MDN1: variants seen among roughly 807,000 people sequenced by gnomAD.
MDN1 encodes midasin.
In MDN1, 266 loss-of-function variants were observed where a neutral mutation model predicts 669.2. The observed-to-expected ratio is 0.40, with a 90% CI of 0.36 to 0.44. MDN1 has a LOEUF of 0.44. MDN1 is among the 20% of genes least tolerant of loss of function. MDN1 has a pLI of 1.00. For synonymous variants in MDN1, 2,385 were observed against 2,457.1 expected, an observed-to-expected ratio of 0.97 and a Z score of 0.87; for missense variants, 5,940 against 6,754.0, an observed-to-expected ratio of 0.88 and a Z score of 4.22.
At position 89,698,991 on chromosome 6, in the gene MDN1, A is replaced by T. The variant is rs759890312; in HGVS notation, c.9042T>A (p.Asn3014Lys). The T allele has an allele frequency of 5.6e-6, 9 of 1,613,950 alleles. No individual in the cohort carries two copies. Among genetic ancestry groups the T allele is most frequent in the Admixed American group, 3.3e-5 (2 of 60,000 alleles). The change falls in exon 59 of 102, where the codon AAT (asparagine) becomes AAA (lysine). Residue 3014 changes from asparagine (N) to lysine (K), a missense_variant. By Grantham distance (94) the Asn-to-Lys change is moderately conservative (BLOSUM62 0). This residue lies in a region of MDN1 where 2,292 missense variants were observed against 2,638.3 expected (regional missense o/e 0.87). Transcript: ENST00000369393. The stretch of plus-strand genomic sequence containing the variant: ...TGCTCCAGAAAGACATAAACATGGA[A>T]TTAAATAACTCGGACCACAAAGATG... ...EITSLWSELF[N>K]SMFMSFWSST...
chr6:89,706,275 A>G, intron 52 of MDN1, 83 bp from the exon 53 acceptor site: 1 of 1,421,078 alleles, frequency 7.0e-7, no homozygotes, highest in Middle Eastern at 1.8e-4. Context: ...ACTGTAATCT[A>G]GAATTTAAAT....
intron 64 of MDN1, 149 bp from the exon 65 acceptor site, chr6:89,690,292 G>C (rs534201691): frequency 5.4e-6 from 5 of 930,216 alleles, no homozygotes; most frequent in African/African-American, 3.3e-5. Context: ...AAGACTACAG[G>C]CTGGGCACAG....
At chr6:89,686,813 G>A (rs1387064379) in intron 69 of MDN1, 89 bp downstream of exon 69, 2 of 1,517,150 alleles carry the variant, frequency 1.3e-6, no homozygotes, top group Non-Finnish European at 1.8e-6. Flanking sequence ...TGTAGCGGGA[G>A]AAGCGGGAGC....
At position 89,775,059 on chromosome 6, in the gene MDN1, C is replaced by T. The variant is rs370669896; in HGVS notation, c.1822-326G>A. On this transcript the variant is annotated intron_variant, in intron 12 of 101. Transcript: ENST00000369393. The stretch of plus-strand genomic sequence containing the variant: ...GGTAAGAAAAAAAAATCAGAGAAAT[C>T]TTCTCTAGCTATGCTCTCCTCTGCT... 2.6e-4 allele frequency among the ~76,000 whole-genome samples: 39 copies of T among 152,230 alleles called. No individual in the cohort carries two copies. The East Asian group carries it at 2.7e-3, about 11-fold the overall frequency.
intron 55 of MDN1, 108 bp from the exon 56 acceptor site, chr6:89,700,964 A>G: frequency 1.0e-6 from 1 of 958,882 alleles, no homozygotes; most frequent in Non-Finnish European, 1.5e-6. Flanking sequence ...TAATGTTTCC[A>G]GAAAACAAAG....
At chr6:89,660,505 T>A (rs952736120) in intron 88 of MDN1, among the ~76,000 whole-genome samples, 1 of 152,080 alleles carries the variant, frequency 6.6e-6, no homozygotes, top group Non-Finnish European at 1.5e-5. Context: ...TTTTTCCCAT[T>A]ATCTATTATT....
chr6:89,809,951 A>G (rs763489226), intron 1 of MDN1, among the ~76,000 whole-genome samples: 120 of 134,838 alleles, frequency 8.9e-4, no homozygotes, highest in Non-Finnish European at 1.4e-3. Context: ...TGATTGTACC[A>G]CTATACCCCA....
Position 89,693,106 on chromosome 6 carries a change from AC to A in MDN1, c.9923del (p.Cys3308PhefsTer4). 6.2e-7 allele frequency: 1 copy of A among 1,611,202 alleles called. No individual in the cohort carries two copies. The highest frequency in any genetic ancestry group is 1.7e-4 in the Middle Eastern group (1 of 6,036). On this transcript the variant is annotated frameshift_variant, in exon 63 of 102. Transcript: ENST00000369393. LOFTEE classifies it high-confidence loss of function. ...QRMDRLDNLT[C>X]HLLKKQAFRP... ...TAAAGGCCTGTTTCTTCAACAGGTG[AC>A]AGGTTAAATTATCCAGCCGATCCAT...
intron 87 of MDN1, 50 bp downstream of exon 87, chr6:89,662,037 G>C (rs2273243): frequency 0.041 from 64,095 of 1,575,074 alleles, 1,884 homozygotes; most frequent in South Asian, 0.13. Context: ...TACAGCTCAA[G>C]AGCTCTGGCC....
intron 73 of MDN1, among the ~76,000 whole-genome samples, chr6:89,681,953 G>T (rs1269031485): frequency 1.3e-5 from 2 of 152,128 alleles, no homozygotes; most frequent in African/African-American, 4.8e-5. Context: ...CGCCTGCCCA[G>T]AAATTACTCT....
chr6:89,677,635 A>G lies in MDN1; in HGVS notation c.12474T>C (p.His4158=). The stretch of plus-strand genomic sequence containing the variant: ...CGCTCTGGAGATCTAATGGGTGAAG[A>G]TGAAGCATCTCTTGAGGGTTTTTTG... The part of the protein sequence containing the change: ...ARSKNPQEML[H]LHPLDLQSAL... The change falls in exon 76 of 102, where the codon CAT becomes CAC. Residue 4158 remains histidine (H), a synonymous_variant. Transcript: ENST00000369393. The G allele has an allele frequency of 6.2e-7, 1 of 1,614,184 alleles. No individual in the cohort carries two copies. The highest frequency in any genetic ancestry group is 8.5e-7 in the Non-Finnish European group (1 of 1,180,034).
intron 1 of MDN1, among the ~76,000 whole-genome samples, chr6:89,812,363 T>C (rs1768488771): frequency 6.6e-6 from 1 of 152,038 alleles, no homozygotes; most frequent in African/African-American, 2.4e-5. Context: ...GGCAGGTAGA[T>C]TGTCTGAGCT....
chr6:89,716,566 A>AAAAAC, intron 44 of MDN1, 84 bp downstream of exon 44: 1 of 1,448,718 alleles, frequency 6.9e-7, no homozygotes, highest in Non-Finnish European at 9.3e-7. Flanking sequence ...GCTTCAAAAT[A>AAAAAC]CCAGCACTTC....
At position 89,690,816 on chromosome 6, in the gene MDN1, C is replaced by T. The variant is rs750565759; in HGVS notation, c.10606G>A (p.Asp3536Asn). 3.1e-6 allele frequency: 5 copies of T among 1,613,936 alleles called. No individual in the cohort carries two copies. Among genetic ancestry groups the T allele is most frequent in the African/African-American group, 2.7e-5 (2 of 74,920 alleles). The change falls in exon 64 of 102, where the codon GAT becomes AAT. Residue 3536 changes from aspartate (D) to asparagine (N), a missense_variant. Around this residue, in one of 5 missense-constraint regions of MDN1, gnomAD observed 2,280 missense variants for 2,576.3 expected, o/e 0.88. Transcript: ENST00000369393. Reference sequence around the variant, plus strand: ...TCTTGGGCTATGCGTTCCTGCTCATCCCACTCACTGATGATTTCCTGAAAG... The same window carrying T: ...TCTTGGGCTATGCGTTCCTGCTCATTCCACTCACTGATGATTTCCTGAAAG... ...HVCQEIISEW[D>N]EQERIAQEKA...
At chr6:89,725,930 T>TACACACACAC (rs71024397) in intron 37 of MDN1, among the ~76,000 whole-genome samples, 20 of 147,582 alleles carry the variant, frequency 1.4e-4, no homozygotes, top group African/African-American at 5.0e-4. Context: ...TGGTATTTTA[T>TACACACACAC]ACACACACAC....
At chr6:89,816,258 G>T (rs976407616) in intron 1 of MDN1, among the ~76,000 whole-genome samples, 2 of 151,966 alleles carry the variant, frequency 1.3e-5, no homozygotes, top group African/African-American at 2.4e-5. Flanking sequence ...AAATTAGCCA[G>T]GCGCAGTGGC....
Position 89,671,440 on chromosome 6 carries a change from T to A in MDN1, c.13795-360A>T, listed in dbSNP as rs536908130. ...GCTTGAGCCCAGGAGTTCAAGTTCA[T>A]GTTGCCTGGGCAACATGGCAAAACC... On this transcript the variant is annotated intron_variant, in intron 82 of 101. Transcript: ENST00000369393. Among the ~76,000 whole-genome samples, 4 of 152,252 alleles carry A rather than the reference T, an allele frequency of 2.6e-5. No individual in the cohort carries two copies. The East Asian group carries it at 7.7e-4, about 29-fold the overall frequency.
chr6:89,782,117 C>A (rs1179557726), intron 9 of MDN1, among the ~76,000 whole-genome samples: 2 of 152,210 alleles, frequency 1.3e-5, no homozygotes, highest in Non-Finnish European at 2.9e-5. Context: ...ACCCAGAACT[C>A]AGTTACCAGC....
intron 33 of MDN1, among the ~76,000 whole-genome samples, chr6:89,733,582 T>C (rs1402221779): frequency 6.6e-6 from 1 of 151,226 alleles, no homozygotes; most frequent in Non-Finnish European, 1.5e-5. Flanking sequence ...TCCAAAGCTA[T>C]ATAGATTGTG....
Sources: allele counts gnomAD v4.1 joint callset (sites outside exome capture counted in the v4.1 genomes callset), GRCh38; gene constraint gnomAD v4.1.1; regional missense constraint gnomAD v4.1.1; transcripts MANE v1.5; gene names NCBI Gene and HGNC (gene_info 2026-07-23, HGNC 2026-07-21).